The following MINDY2 variants were observed in gnomAD, a reference collection of about 807,000 sequenced individuals.
MINDY2 encodes ubiquitin carboxyl-terminal hydrolase MINDY-2.
Under a neutral mutation model 68.2 loss-of-function variants are expected in MINDY2, and 52 were observed. The ratio of observed to expected loss-of-function variants is 0.76; its 90% confidence interval spans 0.61 to 0.96. The LOEUF (loss-of-function observed/expected upper bound fraction) is 0.96, where lower values mean the gene tolerates loss of function less well. MINDY2 is among the 40% of genes least tolerant of loss of function. MINDY2 has a pLI of 0.00. For missense variants in MINDY2, 881 were observed against 773.4 expected (o/e 1.14, Z -1.65); for synonymous variants, 372 against 303.0 (o/e 1.23, Z -2.36).
At chr15:58,837,323 A>G (rs2032040360) in intron 6 of MINDY2, among the ~76,000 whole-genome samples, 1 of 152,146 alleles carries the variant, frequency 6.6e-6, no homozygotes, top group Admixed American at 6.6e-5. Flanking sequence ...GTGTAATCCT[A>G]GCACTTTGGG....
rs1190575980 is a variant in MINDY2, at chr15:58,861,535, C to T, written c.*6925C>T. ...ATTTTTTGCATAAAGATACCTAAAACCATCTACCCAGCTTAGGGTTGAACT... is the reference window on the plus strand; with the variant it reads ...ATTTTTTGCATAAAGATACCTAAAATCATCTACCCAGCTTAGGGTTGAACT... On this transcript the variant is annotated 3_prime_UTR_variant, in exon 9 of 9. Coordinates refer to ENST00000559228, the MANE Select transcript of MINDY2 (RefSeq NM_001040450.3). 2.0e-5 allele frequency: 3 copies of T among 152,280 alleles called. No individual in the cohort carries two copies. The highest frequency in any genetic ancestry group is 4.8e-5 in the African/African-American group (2 of 41,572). The allele number at this position is 152,280 out of a possible 1,614,324, so 9.4% of individuals were successfully genotyped here.
At chr15:58,780,943 A>C (rs1005598433) in intron 1 of MINDY2, among the ~76,000 whole-genome samples, 1 of 152,100 alleles carries the variant, frequency 6.6e-6, no homozygotes, top group East Asian at 1.9e-4. Context: ...ATTAATGTAA[A>C]AGTTTTATTA....
At chr15:58,811,737 T>G (rs1453404923) in intron 4 of MINDY2, among the ~76,000 whole-genome samples, 2 of 152,150 alleles carry the variant, frequency 1.3e-5, no homozygotes, top group Non-Finnish European at 2.9e-5. Flanking sequence ...AACTGATTAT[T>G]AGAGAGTAGG....
chr15:58,797,788 C>G (rs573735731), intron 2 of MINDY2, among the ~76,000 whole-genome samples: 77 of 152,260 alleles, frequency 5.1e-4, no homozygotes, highest in South Asian at 1.7e-3. Flanking sequence ...ACAAAATGAG[C>G]TCTTTTGCCA....
chr15:58,810,488 T>C, intron 4 of MINDY2, 100 bp downstream of exon 4: 1 of 1,219,156 alleles, frequency 8.2e-7, no homozygotes, highest in East Asian at 2.7e-5. Flanking sequence ...TTACTTTTTT[T>C]GTACTTTTGC....
At chr15:58,820,789 G>C (rs192939313) in intron 4 of MINDY2, among the ~76,000 whole-genome samples, 13 of 152,104 alleles carry the variant, frequency 8.5e-5, no homozygotes, top group Non-Finnish European at 1.8e-4. Context: ...TATATGTTGA[G>C]ACCTGTGGTA....
At chr15:58,831,957 A>G (rs2141021256) in intron 6 of MINDY2, 41 bp downstream of exon 6, 1 of 1,566,278 alleles carries the variant, frequency 6.4e-7, no homozygotes, top group Non-Finnish European at 8.6e-7. Context: ...ATTCTAAATC[A>G]AAGGAGCTTG....
chr15:58,840,586 G>T (rs1595772324), intron 6 of MINDY2, among the ~76,000 whole-genome samples: 5 of 150,582 alleles, frequency 3.3e-5, no homozygotes, highest in Admixed American at 2.7e-4. Flanking sequence ...AAACTGGGCG[G>T]ATCCTCTTTG....
chr15:58,815,002 C>A (rs1172502771), intron 4 of MINDY2, among the ~76,000 whole-genome samples: 1 of 151,938 alleles, frequency 6.6e-6, no homozygotes, highest in Non-Finnish European at 1.5e-5. Context: ...TGGTGTCCTA[C>A]CTAAGAGGGC....
intron 6 of MINDY2, 112 bp downstream of exon 6, chr15:58,832,028 C>G (rs1264609110): frequency 5.2e-6 from 5 of 952,980 alleles, no homozygotes; most frequent in Non-Finnish European, 7.4e-6. Context: ...ATTTCTTAAC[C>G]ATCAAATTAT....
At chr15:58,814,435 G>A (rs2030535263) in intron 4 of MINDY2, among the ~76,000 whole-genome samples, 1 of 151,700 alleles carries the variant, frequency 6.6e-6, no homozygotes, top group Admixed American at 6.6e-5. Flanking sequence ...CACCCAGGCT[G>A]GAGTGCAGTG....
chr15:58,787,140 C>CTTTTTTTTTTTTTTTTTT (rs58374538), intron 1 of MINDY2, among the ~76,000 whole-genome samples: 1 of 78,152 alleles, frequency 1.3e-5, no homozygotes, highest in African/African-American at 5.6e-5. Flanking sequence ...CATTTCTTTA[C>CTTTTTTTTTTTTTTTTTT]TTTTTTTTTT....
At chr15:58,793,460 A>G (rs1902071644) in intron 2 of MINDY2, among the ~76,000 whole-genome samples, 3 of 152,158 alleles carry the variant, frequency 2.0e-5, no homozygotes, top group African/African-American at 7.2e-5. Flanking sequence ...AAAAATAAGT[A>G]AATAAATAAA....
intron 7 of MINDY2, among the ~76,000 whole-genome samples, chr15:58,850,061 C>G (rs938432253): frequency 1.3e-5 from 2 of 152,262 alleles, no homozygotes; most frequent in Non-Finnish European, 2.9e-5. Flanking sequence ...TTTACCCATC[C>G]TCTGTATTAT....
intron 4 of MINDY2, among the ~76,000 whole-genome samples, chr15:58,819,965 G>A (rs934238782): frequency 6.6e-6 from 1 of 152,100 alleles, no homozygotes; most frequent in Admixed American, 6.6e-5. Context: ...TTAAGTTAAT[G>A]TGAAATGTTT....
At chr15:58,783,820 C>T (rs1901310698) in intron 1 of MINDY2, among the ~76,000 whole-genome samples, 1 of 152,060 alleles carries the variant, frequency 6.6e-6, no homozygotes, top group Non-Finnish European at 1.5e-5. Context: ...TGGCGCACAC[C>T]TGTGGTCCCA....
At chr15:58,826,691 A>T (rs925625860) in intron 5 of MINDY2, among the ~76,000 whole-genome samples, 1 of 152,172 alleles carries the variant, frequency 6.6e-6, no homozygotes, top group Non-Finnish European at 1.5e-5. Context: ...CATTGATACA[A>T]TATTATTTAA....
rs548241726 is a variant in MINDY2, at chr15:58,775,633, A to G, written c.840+3398A>G. On this transcript the variant is annotated intron_variant, in intron 1 of 8. Coordinates refer to ENST00000559228, the MANE Select transcript of MINDY2 (RefSeq NM_001040450.3). ...TTCCCAATGATGACTTCTCCCAATG[A>G]TGACTATAAGAAGTGAAGACAGTAA... Among the ~76,000 whole-genome samples the G allele has an allele frequency of 5.9e-5, 9 of 152,292 alleles. No homozygotes were observed. The South Asian group carries it at 1.9e-3, about 32-fold the overall frequency.
chr15:58,776,698 A>C (rs1900792436), intron 1 of MINDY2, among the ~76,000 whole-genome samples: 1 of 152,124 alleles, frequency 6.6e-6, no homozygotes, highest in Admixed American at 6.6e-5. Context: ...GGAATGGAAC[A>C]AGAAAAATAC....
Sources: allele counts gnomAD v4.1 joint callset (sites outside exome capture counted in the v4.1 genomes callset), GRCh38; gene constraint gnomAD v4.1.1; transcripts MANE v1.5; gene names NCBI Gene and HGNC (gene_info 2026-07-23, HGNC 2026-07-21).